MICALL2: variants seen among roughly 807,000 people sequenced by gnomAD.
MICALL2 encodes the protein MICAL like 2, also known as MICAL-like protein 2.
MICALL2 carries 111 observed loss-of-function variants against 91.1 expected under a neutral mutation model. The observed-to-expected ratio is 1.22, with a 90% CI of 1.04 to 1.43. The LOEUF (loss-of-function observed/expected upper bound fraction) is 1.43. Among genes scored for constraint, MICALL2 ranks in the 40% most tolerant of loss-of-function variants. MICALL2 has a pLI of 0.00. For synonymous variants in MICALL2, 694 were observed against 525.3 expected (o/e 1.32, Z -4.39); for missense variants, 1,556 against 1,236.0 (o/e 1.26, Z -3.88).
intron 6 of MICALL2, among the ~76,000 whole-genome samples, chr7:1,443,858 G>A (rs879456148): frequency 2.6e-5 from 4 of 152,200 alleles, no homozygotes; most frequent in Non-Finnish European, 4.4e-5. Flanking sequence ...GCCCAGTGAG[G>A]GGGTCTTTGG....
intron 10 of MICALL2, 170 bp downstream of exon 10, chr7:1,438,670 C>T (rs1780106778): frequency 8.3e-6 from 12 of 1,441,948 alleles, no homozygotes; most frequent in Non-Finnish European, 1.1e-5. Flanking sequence ...CAGCTAGGGT[C>T]TCTATTCATG....
intron 5 of MICALL2, among the ~76,000 whole-genome samples, chr7:1,446,349 G>A (rs1780578756): frequency 4.8e-5 from 1 of 20,954 alleles, no homozygotes; most frequent in African/African-American, 3.3e-4. Context: ...GAGAGGAGGG[G>A]GGAGGAGGGA....
intron 5 of MICALL2, among the ~76,000 whole-genome samples, chr7:1,446,357 G>T (rs868022004): frequency 0.22 from 296 of 1,330 alleles, no homozygotes; most frequent in South Asian, 0.35. Context: ...GGGGGAGGAG[G>T]GAGAGGAGGG....
intron 2 of MICALL2, among the ~76,000 whole-genome samples, chr7:1,449,567 C>A (rs1780743949): frequency 6.6e-6 from 1 of 152,220 alleles, no homozygotes; most frequent in African/African-American, 2.4e-5. Flanking sequence ...TCAAATTGTC[C>A]CCGTGCTGAG....
chr7:1,445,515 G>C lies in MICALL2; in HGVS notation c.642-87C>G, dbSNP rs539845481. 2.8e-5 allele frequency: 36 copies of C among 1,290,508 alleles called. No individual in the cohort carries two copies. In the African/African-American group the frequency reaches 4.9e-4, roughly 18 times the overall value. 79.9% of individuals were successfully genotyped at this position (1,290,508 alleles called of 1,614,324 possible). On this transcript the variant is annotated intron_variant, in intron 5 of 16. Coordinates refer to ENST00000297508, the MANE Select transcript of MICALL2 (RefSeq NM_182924.4). ...ACGTGCTCCTGATAGCAGGCATTGC[G>C]GACTCCTGTGTCCACTTGCGAGGTT...
Position 1,447,686 on chromosome 7 carries a change from C to T in MICALL2, c.414G>A (p.Ala138=), listed in dbSNP as rs529156994. ...EPSGKKAPVQ[A]AKLPSPAPAR... ...CTGGGGCGGGCGAGGGCAGCTTGGC[C>T]GCCTGGACTGGAGCCTTCTTCCCTG... is the stretch of plus-strand genomic sequence containing the variant. The change falls in exon 4 of 17, where the codon GCG becomes GCA. Residue 138 remains alanine (A), a synonymous_variant. Coordinates refer to ENST00000297508, the MANE Select transcript of MICALL2 (RefSeq NM_182924.4). The T allele has an allele frequency of 3.5e-5, 55 of 1,582,074 alleles. No homozygotes were observed. Among genetic ancestry groups the T allele is most frequent in the African/African-American group, 5.4e-5 (4 of 74,464 alleles).
chr7:1,437,864 G>A (rs369778334), intron 13 of MICALL2, 26 bp downstream of exon 13: 174 of 1,543,554 alleles, frequency 1.1e-4, no homozygotes, highest in Admixed American at 1.6e-4. Flanking sequence ...TGGCCTTCGA[G>A]GAGGGGCCCA....
At chr7:1,444,607 T>A (rs765165645) in intron 6 of MICALL2, 45 bp downstream of exon 6, 1 of 1,570,616 alleles carries the variant, frequency 6.4e-7, no homozygotes, top group South Asian at 1.1e-5. Flanking sequence ...CGCTGGCTGG[T>A]GCAAAGAGGC....
chr7:1,448,869 G>T, intron 2 of MICALL2, 108 bp from the exon 3 acceptor site: 1 of 1,366,016 alleles, frequency 7.3e-7, no homozygotes, highest in Non-Finnish European at 1.0e-6. Context: ...CCAAAGAGGC[G>T]TGGGTTGGAG....
At chr7:1,443,779 T>C (rs1780424937) in intron 6 of MICALL2, among the ~76,000 whole-genome samples, 2 of 152,178 alleles carry the variant, frequency 1.3e-5, no homozygotes, top group Admixed American at 6.5e-5. Flanking sequence ...GACGCGGCCC[T>C]TCCCCCGCCT....
intron 1 of MICALL2, among the ~76,000 whole-genome samples, chr7:1,454,425 G>A (rs1780940373): frequency 6.6e-6 from 1 of 151,344 alleles, no homozygotes; most frequent in Admixed American, 6.6e-5. Flanking sequence ...GAGACAGCGA[G>A]GACATGGCCA....
At chr7:1,441,987 G>A (rs1584209648) in intron 7 of MICALL2, 11 of 646,684 alleles carry the variant, frequency 1.7e-5, no homozygotes, top group East Asian at 5.5e-5. Context: ...AAACAGCATA[G>A]CCCTGAGGAC....
intron 6 of MICALL2, among the ~76,000 whole-genome samples, chr7:1,444,255 G>A (rs1053785579): frequency 3.6e-5 from 5 of 140,634 alleles, no homozygotes; most frequent in Non-Finnish European, 6.1e-5. Flanking sequence ...CGTGGGTCCC[G>A]CTCGCGGCCT....
chr7:1,439,564 C>A (rs1019351190), intron 9 of MICALL2: 7 of 232,626 alleles, frequency 3.0e-5, no homozygotes, highest in African/African-American at 1.6e-4. Context: ...ACACATGCAT[C>A]ACACGCATGA....
At position 1,437,732 on chromosome 7, in the gene MICALL2, C is replaced by T. The variant is rs1256934157; in HGVS notation, c.2403-124G>A. 9.5e-5 allele frequency: 119 copies of T among 1,252,046 alleles called. No individual in the cohort carries two copies. In the East Asian group the frequency reaches 2.8e-3, roughly 30 times the overall value. The allele number at this position is 1,252,046 out of a possible 1,614,324, so 77.6% of individuals were successfully genotyped here. A position where few individuals can be genotyped will look rare whatever the true frequency, so the allele number is the denominator to read the frequency against. On this transcript the variant is annotated intron_variant, in intron 13 of 16. Coordinates refer to ENST00000297508, the MANE Select transcript of MICALL2 (RefSeq NM_182924.4). ...CGAGTCTGAGGCCTGACTCGCCGCC[C>T]GTCCCCCGCCTGGCCCACCCAGACC...
At position 1,444,704 on chromosome 7, in the gene MICALL2, G is replaced by A; in HGVS notation, c.1366C>T (p.Leu456Phe). The change falls in exon 6 of 17, where the codon CTC becomes TTC. Residue 456 changes from leucine (L) to phenylalanine (F), a missense_variant. Leu to Phe is a conservative substitution (Grantham distance 22). Coordinates refer to ENST00000297508, the MANE Select transcript of MICALL2 (RefSeq NM_182924.4). ...TCCAGCGCTGAGAGGGCCTGCTTGA[G>A]GAAGTTCCGCGCCTGCTCCTTGCTG... Reference protein sequence around the residue: ...DSSKEQARNFLKQALSALEEA... With the variant: ...DSSKEQARNFFKQALSALEEA... 1 of 1,612,300 alleles carries A rather than the reference G, an allele frequency of 6.2e-7. No homozygotes were observed. The highest frequency in any genetic ancestry group is 8.5e-7 in the Non-Finnish European group (1 of 1,179,852).
At chr7:1,436,578 A>G (rs926601115) in intron 15 of MICALL2, among the ~76,000 whole-genome samples, 164 bp downstream of exon 15, 7 of 150,222 alleles carry the variant, frequency 4.7e-5, no homozygotes, top group Non-Finnish European at 8.9e-5. Context: ...AAGACTTCAA[A>G]AAGTCCCCGA....
chr7:1,457,627 G>A (rs1316680153), intron 1 of MICALL2, among the ~76,000 whole-genome samples: 1 of 152,238 alleles, frequency 6.6e-6, no homozygotes, highest in Non-Finnish European at 1.5e-5. Flanking sequence ...GCATGCACAT[G>A]CACCTGTGCT....
intron 15 of MICALL2, among the ~76,000 whole-genome samples, chr7:1,435,868 G>A (rs2128518487): frequency 6.6e-6 from 1 of 151,968 alleles, no homozygotes; most frequent in South Asian, 2.1e-4. Context: ...TGGCTAACAT[G>A]GGGAAACCCC....
Sources: gnomAD v4.1 joint callset for allele counts (sites outside exome capture counted in the v4.1 genomes callset) on GRCh38, gnomAD v4.1.1 for gene constraint, MANE v1.5 for transcripts, NCBI Gene and HGNC (gene_info 2026-07-23, HGNC 2026-07-21) for gene names.